The following TBC1D12 variants were observed in gnomAD, a reference collection of about 807,000 sequenced individuals.
TBC1D12 encodes the protein TBC1 domain family, member 12.
Under a neutral mutation model 86.7 loss-of-function variants are expected in TBC1D12, and 56 were observed. The observed-to-expected ratio is 0.65, with a 90% CI of 0.52 to 0.81. The LOEUF (loss-of-function observed/expected upper bound fraction) is 0.81. Among genes scored for constraint, TBC1D12 ranks in the 30% least tolerant of loss-of-function variants. The probability of loss-of-function intolerance (pLI) is 0.00; values close to 1 mark genes in which losing one functional copy is unlikely to be tolerated. For missense variants in TBC1D12, 1,023 were observed against 1,038.8 expected (o/e 0.98, Z 0.21); for synonymous variants, 421 against 411.7 (o/e 1.02, Z -0.27).
At chr10:94,507,641 A>AGTTATG (rs1564983129) in intron 7 of TBC1D12, among the ~76,000 whole-genome samples, 1 of 152,148 alleles carries the variant, frequency 6.6e-6, no homozygotes. Context: ...TGAAGCATTG[A>AGTTATG]AATTATGAGA....
At chr10:94,429,342 G>C (rs1255730911) in intron 1 of TBC1D12, among the ~76,000 whole-genome samples, 1 of 151,892 alleles carries the variant, frequency 6.6e-6, no homozygotes. Flanking sequence ...TCCAAAAACA[G>C]CTTGAAAAAG....
intron 2 of TBC1D12, among the ~76,000 whole-genome samples, chr10:94,458,587 A>C (rs1589630076): frequency 6.6e-6 from 1 of 152,096 alleles, no homozygotes; most frequent in East Asian, 1.9e-4. Context: ...GAAGCCACGG[A>C]CCCACGTGGT....
chr10:94,472,131 A>G (rs1047033548), intron 2 of TBC1D12, among the ~76,000 whole-genome samples: 5 of 152,184 alleles, frequency 3.3e-5, no homozygotes, highest in Non-Finnish European at 7.3e-5. Flanking sequence ...TCAGCCAGGC[A>G]CAGTGGCCCA....
Position 94,507,181 on chromosome 10 carries a change from G to A in TBC1D12, c.1520-86G>A, listed in dbSNP as rs951770233. The A allele has an allele frequency of 8.3e-6, 11 of 1,333,018 alleles. No homozygotes were observed. The African/African-American group carries it at 1.5e-4, about 18-fold the overall frequency. The allele number at this position is 1,333,018 out of a possible 1,614,324, so 82.6% of individuals were successfully genotyped here. Reference sequence around the variant, plus strand: ...TTGCTACATCAGAGAGACCTGACCTGTAATAGGTAAAGAGTAAAAATTAAA... The same window carrying A: ...TTGCTACATCAGAGAGACCTGACCTATAATAGGTAAAGAGTAAAAATTAAA... On this transcript the variant is annotated intron_variant, in intron 6 of 12. Coordinates refer to ENST00000225235, the MANE Select transcript of TBC1D12 (RefSeq NM_015188.2).
intron 1 of TBC1D12, among the ~76,000 whole-genome samples, chr10:94,414,600 C>CTT (rs71031575): frequency 0.036 from 4,872 of 134,936 alleles, 353 homozygotes; most frequent in African/African-American, 0.11. Flanking sequence ...TACTGTGAAA[C>CTT]TTTTTTTTTT....
chr10:94,446,739 G>A (rs970606493), intron 2 of TBC1D12, among the ~76,000 whole-genome samples: 2 of 151,978 alleles, frequency 1.3e-5, no homozygotes, highest in African/African-American at 4.8e-5. Context: ...TTCTTTAATG[G>A]AAAGACATCT....
At chr10:94,510,804 C>T (rs1408743005) in intron 8 of TBC1D12, among the ~76,000 whole-genome samples, 1 of 152,062 alleles carries the variant, frequency 6.6e-6, no homozygotes, top group Non-Finnish European at 1.5e-5. Context: ...TGCCACCACA[C>T]CCAGCTGATT....
rs532377729 is a variant in TBC1D12 at position 94,514,924 on chromosome 10, T to C, written c.1761+3270T>C. Among the ~76,000 whole-genome samples the C allele has an allele frequency of 5.3e-3, 788 of 147,862 alleles. 4 individuals are homozygous for C. The highest frequency in any genetic ancestry group is 0.031 in the Middle Eastern group (9 of 292). On this transcript the variant is annotated intron_variant, in intron 9 of 12. Coordinates refer to ENST00000225235, the MANE Select transcript of TBC1D12 (RefSeq NM_015188.2). ...TTTTTTTTCTTTTTTTTTTTTTTTT[T>C]TGAGACGGAGTCTCACTCTGTCGCC...
At chr10:94,449,708 T>C (rs567243668) in intron 2 of TBC1D12, among the ~76,000 whole-genome samples, 1 of 152,336 alleles carries the variant, frequency 6.6e-6, no homozygotes, top group Admixed American at 6.5e-5. Flanking sequence ...CTACTGTCCA[T>C]TGAAACTCAA....
intron 11 of TBC1D12, among the ~76,000 whole-genome samples, chr10:94,526,326 T>A (rs1842288371): frequency 6.6e-6 from 1 of 151,846 alleles, no homozygotes; most frequent in South Asian, 2.1e-4. Context: ...TCCCAGCTAC[T>A]TGGGAGGCTG....
At chr10:94,522,573 T>C (rs1842178729) in intron 11 of TBC1D12, 120 bp downstream of exon 11, 1 of 482,054 alleles carries the variant, frequency 2.1e-6, no homozygotes, top group South Asian at 3.6e-5. Context: ...AGCCTTCTTT[T>C]ACAAATTTAG....
chr10:94,428,331 A>G (rs527704645), intron 1 of TBC1D12, among the ~76,000 whole-genome samples: 1 of 139,346 alleles, frequency 7.2e-6, no homozygotes, highest in Non-Finnish European at 1.5e-5. Context: ...TGTGTTTCCC[A>G]GGCTGGAGTG....
At chr10:94,500,735 C>T (rs1357965037) in intron 6 of TBC1D12, among the ~76,000 whole-genome samples, 1 of 151,946 alleles carries the variant, frequency 6.6e-6, no homozygotes, top group Non-Finnish European at 1.5e-5. Context: ...TTACCTAAAC[C>T]AGTCATTTTG....
At chr10:94,487,572 A>G (rs2056184130) in intron 3 of TBC1D12, among the ~76,000 whole-genome samples, 1 of 152,090 alleles carries the variant, frequency 6.6e-6, no homozygotes, top group African/African-American at 2.4e-5. Context: ...ATAAGCAAAC[A>G]AACTAGCAAA....
chr10:94,526,445 AAAG>A (rs1469838979), intron 11 of TBC1D12, among the ~76,000 whole-genome samples: 2 of 151,838 alleles, frequency 1.3e-5, no homozygotes, highest in Non-Finnish European at 2.9e-5. Context: ...AAAAAAAAAA[AAAG>A]AAAGAAAAAG....
At chr10:94,456,107 T>C (rs1271462444) in intron 2 of TBC1D12, among the ~76,000 whole-genome samples, 1 of 152,218 alleles carries the variant, frequency 6.6e-6, no homozygotes, top group African/African-American at 2.4e-5. Flanking sequence ...TAAATTTTAT[T>C]GATCTTTTTA....
Position 94,465,990 on chromosome 10 carries a change from G to A in TBC1D12, c.1096-8678G>A, listed in dbSNP as rs570882111. ...TATGTGTATATATACACATATATATGAAGTTTTTATCTGACTTTATTAGCC... is the reference window on the plus strand; with the variant it reads ...TATGTGTATATATACACATATATATAAAGTTTTTATCTGACTTTATTAGCC... On this transcript the variant is annotated intron_variant, in intron 2 of 12. Coordinates refer to ENST00000225235, the MANE Select transcript of TBC1D12 (RefSeq NM_015188.2). Among the ~76,000 whole-genome samples, 233 of 151,258 alleles carry A rather than the reference G, an allele frequency of 1.5e-3. 1 individual carries two copies. The highest frequency in any genetic ancestry group is 2.7e-3 in the Non-Finnish European group (185 of 67,802).
chr10:94,515,223 A>G (rs1407685653), intron 9 of TBC1D12, among the ~76,000 whole-genome samples: 1 of 151,048 alleles, frequency 6.6e-6, no homozygotes, highest in Non-Finnish European at 1.5e-5. Context: ...TTTTTTTTCC[A>G]ACAACCTCAC....
intron 5 of TBC1D12, among the ~76,000 whole-genome samples, chr10:94,497,847 G>C (rs2056344514): frequency 6.9e-6 from 1 of 145,706 alleles, no homozygotes; most frequent in African/African-American, 2.5e-5. Context: ...TTCTGAGACG[G>C]AGTCTCGCTC....
Sources: gnomAD v4.1 joint callset for allele counts (sites outside exome capture counted in the v4.1 genomes callset) on GRCh38, gnomAD v4.1.1 for gene constraint, MANE v1.5 for transcripts, NCBI Gene and HGNC (gene_info 2026-07-23, HGNC 2026-07-21) for gene names.